Variants in ADAMTS18 observed in about 807,000 individuals in gnomAD.
The protein encoded by ADAMTS18 is A disintegrin and metalloproteinase with thrombospondin motifs 18.
In ADAMTS18, 157 loss-of-function variants were observed where a neutral mutation model predicts 165.9. The ratio of observed to expected loss-of-function variants is 0.95; its 90% CI spans 0.83 to 1.08. The LOEUF (loss-of-function observed/expected upper bound fraction) is 1.08. Ranked by LOEUF, ADAMTS18 falls within the 50% of genes least tolerant of loss-of-function variation. ADAMTS18 has a pLI of 0.00. For missense variants in ADAMTS18, 2,040 were observed against 1,534.0 expected (o/e 1.33, Z -5.51); for synonymous variants, 782 against 578.2 (o/e 1.35, Z -5.06).
At chr16:77,367,811 C>A in intron 3 of ADAMTS18, 88 bp from the exon 4 acceptor site, 2 of 1,496,496 alleles carry the variant, frequency 1.3e-6, no homozygotes, top group Non-Finnish European at 9.3e-7. Context: ...CTGACTAATT[C>A]CTGTATGTGG....
intron 3 of ADAMTS18, among the ~76,000 whole-genome samples, chr16:77,377,527 G>T (rs1176267496): frequency 6.6e-6 from 1 of 152,194 alleles, no homozygotes. Flanking sequence ...ATATCTTAAA[G>T]AAGTATTTGA....
In ADAMTS18 at chr16:77,393,921, G is replaced by A. The variant is rs117084762; in HGVS notation, c.496-26198C>T. Among the ~76,000 whole-genome samples the A allele has an allele frequency of 8.7e-4, 132 of 152,308 alleles. 2 individuals carry two copies. The East Asian group carries it at 0.024, about 27-fold the overall frequency. On this transcript the variant is annotated intron_variant, in intron 3 of 22. Transcript: ENST00000282849. ...GCATGAGGAACATATCCATCCAGTA[G>A]GATTTACTTAGCCGGGATGTACACC...
At chr16:77,338,812 G>GGC (rs1259654155) in intron 11 of ADAMTS18, among the ~76,000 whole-genome samples, 1 of 151,800 alleles carries the variant, frequency 6.6e-6, no homozygotes, top group Non-Finnish European at 1.5e-5. Flanking sequence ...AAATTAGCCG[G>GGC]GCGTGGTGGC....
At chr16:77,370,230 G>A (rs1461873435) in intron 3 of ADAMTS18, among the ~76,000 whole-genome samples, 1 of 152,064 alleles carries the variant, frequency 6.6e-6, no homozygotes, top group African/African-American at 2.4e-5. Flanking sequence ...GGAAGTCCTG[G>A]GTAGAGCAAT....
intron 3 of ADAMTS18, among the ~76,000 whole-genome samples, chr16:77,409,355 T>C (rs1485964454): frequency 1.3e-5 from 2 of 152,194 alleles, no homozygotes; most frequent in East Asian, 3.9e-4. Context: ...TGAAGCCTTG[T>C]CCTACGAAAC....
intron 22 of ADAMTS18, among the ~76,000 whole-genome samples, chr16:77,285,667 CT>C (rs958573744): frequency 1.2e-4 from 19 of 152,220 alleles, no homozygotes; most frequent in East Asian, 1.9e-4. Context: ...AGTATAAGTG[CT>C]TTTTTTGATT....
rs142615382 is a variant in ADAMTS18, at chr16:77,299,394, A to G, written c.2674+869T>C. 7.3e-3 allele frequency among the ~76,000 whole-genome samples: 1,108 copies of G among 152,280 alleles called. 24 individuals carry two copies. Among genetic ancestry groups the G allele is most frequent in the African/African-American group, 0.026 (1,068 of 41,558 alleles). On this transcript the variant is annotated intron_variant, in intron 17 of 22. Coordinates refer to ENST00000282849, the MANE Select transcript of ADAMTS18 (RefSeq NM_199355.4). ...TTTTATATATGTATCCTAAAAAAGTATTTTTTCATACTTTGTTAATTAGCA... is the reference window on the plus strand; with the variant it reads ...TTTTATATATGTATCCTAAAAAAGTGTTTTTTCATACTTTGTTAATTAGCA...
chr16:77,423,983 G>C (rs773988203), intron 3 of ADAMTS18, among the ~76,000 whole-genome samples: 28 of 152,130 alleles, frequency 1.8e-4, no homozygotes, highest in Non-Finnish European at 3.7e-4. Flanking sequence ...TCAAAGTCAA[G>C]ACTAATCAAG....
chr16:77,309,246 A>G (rs274532), intron 16 of ADAMTS18, among the ~76,000 whole-genome samples: 63,518 of 151,740 alleles, frequency 0.42, 15,053 homozygotes, highest in Non-Finnish European at 0.54. Flanking sequence ...ATACAGAAAT[A>G]TAACACTTGG....
At chr16:77,418,582 C>T (rs1001342499) in intron 3 of ADAMTS18, among the ~76,000 whole-genome samples, 1 of 152,164 alleles carries the variant, frequency 6.6e-6, no homozygotes, top group African/African-American at 2.4e-5. Context: ...AAAGAATTAT[C>T]CATTCTAACA....
chr16:77,381,751 G>A (rs570086550), intron 3 of ADAMTS18, among the ~76,000 whole-genome samples: 3 of 152,172 alleles, frequency 2.0e-5, no homozygotes, highest in Non-Finnish European at 2.9e-5. Context: ...GCAGTGAGCC[G>A]AGATCATGCC....
intron 16 of ADAMTS18, among the ~76,000 whole-genome samples, chr16:77,310,065 G>A (rs888013300): frequency 5.9e-5 from 9 of 152,190 alleles, no homozygotes; most frequent in African/African-American, 2.2e-4. Flanking sequence ...AGAAGCCTCA[G>A]GATCTTCAGA....
intron 3 of ADAMTS18, among the ~76,000 whole-genome samples, chr16:77,425,350 T>C (rs536950373): frequency 6.6e-6 from 1 of 152,250 alleles, no homozygotes; most frequent in South Asian, 2.1e-4. Context: ...ATGGCAGCCT[T>C]GATCACGGTA....
chr16:77,335,596 T>C (rs76097564), intron 12 of ADAMTS18, among the ~76,000 whole-genome samples, 160 bp downstream of exon 12: 2,349 of 152,274 alleles, frequency 0.015, 55 homozygotes, highest in African/African-American at 0.053. Flanking sequence ...TGTATAGTTG[T>C]ATCAACACAT....
At position 77,425,640 on chromosome 16, in the gene ADAMTS18, A is replaced by T. The variant is rs1366619420; in HGVS notation, c.495+5655T>A. On this transcript the variant is annotated intron_variant, in intron 3 of 22. Transcript: ENST00000282849. Reference sequence around the variant, plus strand: ...AGGGGTGCATTTCCCCAACGGGAACACATGTCCAGGTACAAGTAAAGTACA... The same window carrying T: ...AGGGGTGCATTTCCCCAACGGGAACTCATGTCCAGGTACAAGTAAAGTACA... Among the ~76,000 whole-genome samples the T allele has an allele frequency of 1.3e-5, 2 of 152,264 alleles. 1 individual carries two copies. Among genetic ancestry groups the T allele is most frequent in the Non-Finnish European group, 2.9e-5 (2 of 68,050 alleles).
At chr16:77,310,330 G>A (rs780588923) in intron 16 of ADAMTS18, among the ~76,000 whole-genome samples, 10 of 152,180 alleles carry the variant, frequency 6.6e-5, no homozygotes, top group Non-Finnish European at 1.0e-4. Context: ...GATAACATAG[G>A]GTTTGGGGGT....
chr16:77,289,424 G>C lies in ADAMTS18; in HGVS notation c.3403-13C>G, dbSNP rs1047046318. On this transcript the variant is annotated splice_polypyrimidine_tract_variant and intron_variant, in intron 21 of 22. Transcript: ENST00000282849. The stretch of plus-strand genomic sequence containing the variant: ...AGGTGACTGTGCACTGCAGCAGAGA[G>C]AAGAGGAAGGAGTCAGAAACACTCT... 19 of 1,613,642 alleles carry C rather than the reference G, an allele frequency of 1.2e-5. No homozygotes were observed. Among genetic ancestry groups the C allele is most frequent in the Non-Finnish European group, 1.1e-5 (13 of 1,179,916 alleles).
chr16:77,370,073 G>A (rs1425240976), intron 3 of ADAMTS18, among the ~76,000 whole-genome samples: 2 of 152,024 alleles, frequency 1.3e-5, no homozygotes, highest in African/African-American at 4.8e-5. Flanking sequence ...TATAGAAAAA[G>A]TGCATCTCAA....
At chr16:77,322,936 T>G (rs1297549331) in intron 13 of ADAMTS18, among the ~76,000 whole-genome samples, 1 of 152,132 alleles carries the variant, frequency 6.6e-6, no homozygotes, top group Admixed American at 6.5e-5. Flanking sequence ...CTCAGTCTGT[T>G]AAGAGAAAAG....
Sources: allele counts gnomAD v4.1 joint callset (sites outside exome capture counted in the v4.1 genomes callset), GRCh38; gene constraint gnomAD v4.1.1; transcripts MANE v1.5; gene names NCBI Gene and HGNC (gene_info 2026-07-23, HGNC 2026-07-21).